Variants in FBXL17 observed in about 807,000 individuals in gnomAD.
FBXL17 encodes F-box and leucine rich repeat protein 17, also known as F-box/LRR-repeat protein 17.
A neutral mutation model predicts 66.2 loss-of-function variants in FBXL17; 22 were observed. The ratio of observed to expected loss-of-function variants is 0.33; its 90% CI spans 0.24 to 0.47. FBXL17 has a LOEUF of 0.47. Ranked by LOEUF, FBXL17 falls within the 20% of genes least tolerant of loss-of-function variation. The pLI is 1.00. For missense variants in FBXL17, 878 were observed against 948.2 expected, an observed-to-expected ratio of 0.93 and a Z score of 0.97; for synonymous variants, 474 against 400.5, an observed-to-expected ratio of 1.18 and a Z score of -2.19.
chr5:108,231,400 C>T (rs1755334214), intron 4 of FBXL17, among the ~76,000 whole-genome samples: 1 of 152,112 alleles, frequency 6.6e-6, no homozygotes, highest in Non-Finnish European at 1.5e-5. Context: ...CTAGAAACTT[C>T]ACATAAATAG....
intron 4 of FBXL17, among the ~76,000 whole-genome samples, chr5:108,346,800 G>T (rs1747311757): frequency 6.6e-6 from 1 of 152,020 alleles, no homozygotes; most frequent in Admixed American, 6.6e-5. Flanking sequence ...GAGGTGTAAA[G>T]AACTCAAGTA....
At chr5:108,124,742 G>A (rs550782300) in intron 6 of FBXL17, among the ~76,000 whole-genome samples, 2 of 152,082 alleles carry the variant, frequency 1.3e-5, no homozygotes, top group East Asian at 3.9e-4. Flanking sequence ...CATCTTTCTA[G>A]TCTATGTAGC....
intron 4 of FBXL17, among the ~76,000 whole-genome samples, chr5:108,272,279 A>C (rs1159068587): frequency 6.6e-6 from 1 of 151,948 alleles, no homozygotes; most frequent in African/African-American, 2.4e-5. Context: ...CGACAGCAAG[A>C]CTCCATCTCC....
chr5:108,255,242 T>C (rs531227305), intron 4 of FBXL17, among the ~76,000 whole-genome samples: 3 of 152,326 alleles, frequency 2.0e-5, no homozygotes, highest in Non-Finnish European at 4.4e-5. Flanking sequence ...AAAATAGAAG[T>C]ATGTTACTGT....
chr5:108,062,896 T>C (rs555443949), intron 6 of FBXL17, among the ~76,000 whole-genome samples: 52 of 152,126 alleles, frequency 3.4e-4, no homozygotes, highest in Non-Finnish European at 6.8e-4. Flanking sequence ...ATAATATGGG[T>C]TCATAAAAGA....
At chr5:108,323,211 G>T (rs1759698309) in intron 4 of FBXL17, among the ~76,000 whole-genome samples, 1 of 151,440 alleles carries the variant, frequency 6.6e-6, no homozygotes, top group Non-Finnish European at 1.5e-5. Context: ...AGACCCTAAA[G>T]GTTCCACATA....
chr5:108,109,585 T>A (rs2149951260), intron 6 of FBXL17, among the ~76,000 whole-genome samples: 1 of 152,344 alleles, frequency 6.6e-6, no homozygotes, highest in Non-Finnish European at 1.5e-5. Flanking sequence ...AACTTATATT[T>A]AAATACATTT....
chr5:107,997,131 A>G (rs1408981238), intron 7 of FBXL17, among the ~76,000 whole-genome samples: 1 of 152,210 alleles, frequency 6.6e-6, no homozygotes, highest in Non-Finnish European at 1.5e-5. Flanking sequence ...TAGGCAGTAC[A>G]TCGTAGCGGA....
At chr5:108,232,805 A>ATATATATATATATATATATATATT (rs70996987) in intron 4 of FBXL17, among the ~76,000 whole-genome samples, 1 of 105,166 alleles carries the variant, frequency 9.5e-6, no homozygotes, top group African/African-American at 3.5e-5. Context: ...ATATATATAT[A>ATATATATATATATATATATATATT]ATATATACTA....
intron 8 of FBXL17, chr5:107,878,459 ATCAT>A (rs1345986814): frequency 1.1e-5 from 7 of 616,864 alleles, no homozygotes; most frequent in Non-Finnish European, 1.4e-5. Flanking sequence ...AGGTACTAGT[ATCAT>A]CCTCATTTTG....
chr5:108,336,147 A>T (rs1760371976), intron 4 of FBXL17, among the ~76,000 whole-genome samples: 1 of 152,204 alleles, frequency 6.6e-6, no homozygotes, highest in Non-Finnish European at 1.5e-5. Context: ...TACGGGAAGA[A>T]TTTATGAAAC....
At chr5:108,233,051 C>G (rs1561479149) in intron 4 of FBXL17, among the ~76,000 whole-genome samples, 1 of 151,614 alleles carries the variant, frequency 6.6e-6, no homozygotes, top group East Asian at 1.9e-4. Flanking sequence ...AGGAGTAGAA[C>G]TGGTGAGTCA....
intron 6 of FBXL17, among the ~76,000 whole-genome samples, chr5:108,109,316 T>A (rs1333893740): frequency 6.6e-6 from 1 of 152,100 alleles, no homozygotes; most frequent in Non-Finnish European, 1.5e-5. Flanking sequence ...TCATAAGACT[T>A]TCATGTGAGA....
chr5:108,345,417 C>T (rs1747208409), intron 4 of FBXL17, among the ~76,000 whole-genome samples: 2 of 151,650 alleles, frequency 1.3e-5, no homozygotes, highest in Admixed American at 6.6e-5. Flanking sequence ...TATGGCAAAT[C>T]ATTGTCCTCA....
chr5:108,284,520 G>A (rs541489651), intron 4 of FBXL17, among the ~76,000 whole-genome samples: 1 of 151,956 alleles, frequency 6.6e-6, no homozygotes, highest in Admixed American at 6.6e-5. Flanking sequence ...GATGTAGAGT[G>A]TGGAACAATA....
At chr5:108,111,799 G>A (rs1226866872) in intron 6 of FBXL17, among the ~76,000 whole-genome samples, 1 of 152,116 alleles carries the variant, frequency 6.6e-6, no homozygotes, top group Non-Finnish European at 1.5e-5. Flanking sequence ...CTCAATAAAT[G>A]TTTACAAATG....
intron 4 of FBXL17, among the ~76,000 whole-genome samples, chr5:108,329,149 A>C (rs1760000117): frequency 1.3e-5 from 2 of 152,136 alleles, no homozygotes; most frequent in Non-Finnish European, 2.9e-5. Context: ...CCAAAAAGAA[A>C]TTGAGGCAGC....
At chr5:108,164,262 A>G (rs4957550) in intron 6 of FBXL17, among the ~76,000 whole-genome samples, 67,041 of 152,032 alleles carry the variant, frequency 0.44, 15,543 homozygotes, top group Non-Finnish European at 0.52. Flanking sequence ...CACCAAGTGA[A>G]AAACATGATC....
chr5:107,905,705 A>C (rs530910672), intron 7 of FBXL17, among the ~76,000 whole-genome samples: 5 of 152,318 alleles, frequency 3.3e-5, no homozygotes, highest in Middle Eastern at 6.8e-3. Context: ...TATACAGATG[A>C]AGCTATAACT....
Sources: gnomAD v4.1 joint callset for allele counts (sites outside exome capture counted in the v4.1 genomes callset) on GRCh38, gnomAD v4.1.1 for gene constraint, MANE v1.5 for transcripts, NCBI Gene and HGNC (gene_info 2026-07-23, HGNC 2026-07-21) for gene names.